Variants in NRXN1 observed in about 807,000 individuals in gnomAD.
NRXN1 encodes neurexin 1, also known as neurexin-1.
Under a neutral mutation model 150.9 loss-of-function variants are expected in NRXN1, and 39 were observed. The observed-to-expected ratio is 0.26, with a 90% confidence interval of 0.20 to 0.34. NRXN1 has a LOEUF of 0.34. Among genes scored for constraint, NRXN1 ranks in the 10% least tolerant of loss-of-function variants. NRXN1 has a pLI of 1.00. For missense variants in NRXN1, 1,815 were observed against 1,949.9 expected (o/e 0.93, Z 1.30); for synonymous variants, 924 against 757.0 (o/e 1.22, Z -3.62).
At chr2:51,027,051 G>A (rs1670606203) in intron 2 of NRXN1, among the ~76,000 whole-genome samples, 1 of 152,134 alleles carries the variant, frequency 6.6e-6, no homozygotes, top group East Asian at 1.9e-4. Context: ...CCTCTCCTGT[G>A]CTTCATTTCT....
chr2:50,554,812 T>C (rs2105355709), intron 8 of NRXN1, among the ~76,000 whole-genome samples: 1 of 152,288 alleles, frequency 6.6e-6, no homozygotes, highest in Non-Finnish European at 1.5e-5. Flanking sequence ...TACCTTTATC[T>C]TGGAGAAGGA....
chr2:50,156,594 G>A (rs1015973780), intron 18 of NRXN1, among the ~76,000 whole-genome samples: 2 of 151,658 alleles, frequency 1.3e-5, no homozygotes, highest in African/African-American at 2.4e-5. Flanking sequence ...ATAACATTAA[G>A]GAGAAAAGCA....
intron 17 of NRXN1, among the ~76,000 whole-genome samples, chr2:50,274,964 G>A (rs1489143640): frequency 6.6e-6 from 1 of 152,142 alleles, no homozygotes; most frequent in Non-Finnish European, 1.5e-5. Flanking sequence ...CAAAATTGAT[G>A]TCAGATAGCT....
intron 19 of NRXN1, among the ~76,000 whole-genome samples, chr2:50,056,176 A>G (rs912846522): frequency 6.6e-6 from 1 of 152,166 alleles, no homozygotes; most frequent in Admixed American, 6.6e-5. Context: ...TGGTAGCACT[A>G]TCTGCATAAA....
In NRXN1 at chr2:50,596,863, C is replaced by CTTTT. The variant is rs3053104; in HGVS notation, c.1320+23155_1320+23158dup. ...GAGGAACGTGGGAAAATTCCTAGGA[C>CTTTT]TTTTTTTTTTTTTTTTTTTTTTTGA... On this transcript the variant is annotated intron_variant, in intron 8 of 22. Coordinates refer to ENST00000401669, the MANE Select transcript of NRXN1 (RefSeq NM_001330078.2). 8.3e-3 allele frequency among the ~76,000 whole-genome samples: 767 copies of CTTTT among 92,128 alleles called. 25 individuals are homozygous for CTTTT. Among genetic ancestry groups the CTTTT allele is most frequent in the East Asian group, 0.019 (51 of 2,704 alleles). The allele number at this position is 92,128 out of a possible 152,430, so 60.4% of individuals were successfully genotyped here.
At chr2:51,015,180 T>C (rs1393618153) in intron 2 of NRXN1, among the ~76,000 whole-genome samples, 1 of 151,866 alleles carries the variant, frequency 6.6e-6, no homozygotes, top group East Asian at 1.9e-4. Flanking sequence ...TGTCTGTCTG[T>C]CTCTCTCTCT....
intron 18 of NRXN1, among the ~76,000 whole-genome samples, chr2:50,104,551 G>A (rs1045998519): frequency 3.3e-5 from 5 of 151,982 alleles, no homozygotes; most frequent in African/African-American, 9.7e-5. Flanking sequence ...CAGCAGATGC[G>A]TGATGATGAT....
At chr2:50,062,052 C>G (rs1187103747) in intron 19 of NRXN1, among the ~76,000 whole-genome samples, 2 of 152,082 alleles carry the variant, frequency 1.3e-5, no homozygotes, top group African/African-American at 4.8e-5. Context: ...ATCATTAATA[C>G]TTCAAACAAG....
chr2:50,535,079 T>A (rs979999719), intron 10 of NRXN1, among the ~76,000 whole-genome samples: 2 of 152,198 alleles, frequency 1.3e-5, no homozygotes, highest in African/African-American at 4.8e-5. Flanking sequence ...GCCTAAACGA[T>A]TCCTCACAAT....
At chr2:49,998,229 C>G (rs886465828) in intron 21 of NRXN1, among the ~76,000 whole-genome samples, 2 of 152,114 alleles carry the variant, frequency 1.3e-5, no homozygotes, top group African/African-American at 4.8e-5. Context: ...ATCCCTGAAC[C>G]TTGTCTCAAC....
At chr2:50,768,045 A>G (rs2105429285) in intron 5 of NRXN1, among the ~76,000 whole-genome samples, 1 of 152,200 alleles carries the variant, frequency 6.6e-6, no homozygotes, top group South Asian at 2.1e-4. Context: ...CAAAAACACT[A>G]AGTGTATTTC....
chr2:50,633,511 A>T (rs1170920090), intron 5 of NRXN1, among the ~76,000 whole-genome samples: 2 of 149,662 alleles, frequency 1.3e-5, no homozygotes, highest in South Asian at 2.1e-4. Context: ...TTTTTGGTTT[A>T]TTTTGTTTTG....
rs144503639 is a variant in NRXN1, at chr2:50,330,799, A to G, written c.3365-93829T>C. On this transcript the variant is annotated intron_variant, in intron 17 of 22. Transcript: ENST00000401669. ...TTCTTCACAACGTTATCACTTGGATATGGTTAGGTTATTCTGCGTGTGGGC... is the reference window on the plus strand; with the variant it reads ...TTCTTCACAACGTTATCACTTGGATGTGGTTAGGTTATTCTGCGTGTGGGC... Among the ~76,000 whole-genome samples, 1,061 of 152,316 alleles carry G rather than the reference A, an allele frequency of 7.0e-3. 10 individuals carry two copies. The highest frequency in any genetic ancestry group is 0.025 in the African/African-American group (1,021 of 41,558).
At chr2:50,371,920 A>T (rs1368555937) in intron 17 of NRXN1, among the ~76,000 whole-genome samples, 2 of 151,960 alleles carry the variant, frequency 1.3e-5, no homozygotes, top group Non-Finnish European at 2.9e-5. Context: ...ATAACCAACC[A>T]CCTCTCATGT....
At chr2:50,092,216 C>T (rs1699677310) in intron 18 of NRXN1, among the ~76,000 whole-genome samples, 2 of 152,202 alleles carry the variant, frequency 1.3e-5, no homozygotes, top group African/African-American at 4.8e-5. Context: ...GCCCTCTTCA[C>T]TTCTTCATAT....
intron 17 of NRXN1, among the ~76,000 whole-genome samples, chr2:50,317,955 A>G (rs1217655667): frequency 6.6e-6 from 1 of 152,018 alleles, no homozygotes; most frequent in East Asian, 1.9e-4. Context: ...CTTAAACAGG[A>G]TATTAAAATA....
intron 5 of NRXN1, chr2:50,625,104 T>C (rs1031618335): frequency 3.3e-5 from 5 of 150,454 alleles, no homozygotes; most frequent in African/African-American, 7.3e-5. Context: ...CCCGAGAGGG[T>C]TGATACATCA....
chr2:50,747,460 C>G (rs1445964724), intron 5 of NRXN1, among the ~76,000 whole-genome samples: 1 of 152,096 alleles, frequency 6.6e-6, no homozygotes, highest in East Asian at 1.9e-4. Context: ...CTTCACACAA[C>G]ACAGTCAACC....
At chr2:50,945,937 G>GTATTAT (rs538118636) in intron 2 of NRXN1, among the ~76,000 whole-genome samples, 4,322 of 145,818 alleles carry the variant, frequency 0.03, 92 homozygotes, top group Non-Finnish European at 0.045. Flanking sequence ...TACTTGTAAA[G>GTATTAT]TATTATTATT....
Sources: gnomAD v4.1 joint callset for allele counts (sites outside exome capture counted in the v4.1 genomes callset) on GRCh38, gnomAD v4.1.1 for gene constraint, MANE v1.5 for transcripts, NCBI Gene and HGNC (gene_info 2026-07-23, HGNC 2026-07-21) for gene names.